Variants in CACNG4 observed in about 807,000 individuals in gnomAD.
CACNG4 encodes voltage-dependent calcium channel gamma-4 subunit.
A neutral mutation model predicts 22.9 loss-of-function variants in CACNG4; 8 were observed. The ratio of observed to expected loss-of-function variants is 0.35; its 90% CI spans 0.21 to 0.63. The LOEUF (loss-of-function observed/expected upper bound fraction) is 0.63. Ranked by LOEUF, CACNG4 falls within the 30% of genes least tolerant of loss-of-function variation. The pLI is 0.72. For synonymous variants in CACNG4, 188 were observed against 191.9 expected (o/e 0.98, Z 0.17); for missense variants, 357 against 455.4 (o/e 0.78, Z 1.97).
At chr17:67,013,098 T>C (rs886413069) in intron 1 of CACNG4, among the ~76,000 whole-genome samples, 55 of 152,090 alleles carry the variant, frequency 3.6e-4, no homozygotes, top group African/African-American at 1.3e-3. Flanking sequence ...CCTGGACTCT[T>C]CCAATGTTCC....
chr17:66,977,507 C>T (rs996887656), intron 1 of CACNG4, among the ~76,000 whole-genome samples: 4 of 152,228 alleles, frequency 2.6e-5, no homozygotes, highest in African/African-American at 9.6e-5. Flanking sequence ...GGACAGACTC[C>T]TTAGCTTCTC....
intron 2 of CACNG4, among the ~76,000 whole-genome samples, chr17:67,024,602 A>G (rs1339261562): frequency 6.6e-6 from 1 of 152,198 alleles, no homozygotes; most frequent in Non-Finnish European, 1.5e-5. Flanking sequence ...GCCCACTCCC[A>G]GGGAGAGACT....
At chr17:66,998,673 C>T (rs1474851207) in intron 1 of CACNG4, among the ~76,000 whole-genome samples, 4 of 152,212 alleles carry the variant, frequency 2.6e-5, no homozygotes, top group Non-Finnish European at 5.9e-5. Flanking sequence ...GCTGAGCTCA[C>T]CCAGGGCCAG....
chr17:67,013,472 G>C (rs1443418737), intron 1 of CACNG4, among the ~76,000 whole-genome samples: 1 of 152,162 alleles, frequency 6.6e-6, no homozygotes, highest in East Asian at 1.9e-4. Flanking sequence ...CACATGTGGG[G>C]ATATTTCTTT....
At chr17:66,965,194 A>ACG (rs1158411001) in intron 1 of CACNG4, 63 bp downstream of exon 1, 1,044 of 909,786 alleles carry the variant, frequency 1.1e-3, no homozygotes, top group African/African-American at 1.6e-3. Flanking sequence ...ACATATACAC[A>ACG]CGCGCGCGCG....
At chr17:67,019,998 A>G (rs971992702) in intron 2 of CACNG4, 19 of 152,374 alleles carry the variant, frequency 1.2e-4, no homozygotes, top group African/African-American at 4.6e-4. Context: ...GAAACCCACA[A>G]GGGCTGGAGA....
intron 3 of CACNG4, among the ~76,000 whole-genome samples, chr17:67,028,297 T>C (rs2035580286): frequency 6.6e-6 from 1 of 152,180 alleles, no homozygotes; most frequent in South Asian, 2.1e-4. Context: ...CTCACGCCTG[T>C]AATCCCAGCA....
intron 1 of CACNG4, among the ~76,000 whole-genome samples, chr17:66,971,317 T>TTTCCAGCCAGAAGAGCCTTGA (rs2035203216): frequency 1.3e-5 from 2 of 150,944 alleles, no homozygotes; most frequent in African/African-American, 5.0e-5. Context: ...AAGAGCCTTG[T>TTTCCAGCCAGAAGAGCCTTGA]GGAGCTTACT....
intron 1 of CACNG4, 99 bp downstream of exon 1, chr17:66,965,230 A>C: frequency 1.0e-5 from 7 of 701,426 alleles, no homozygotes; most frequent in African/African-American, 2.0e-5. Flanking sequence ...ACACACGCGC[A>C]CACACTGCCC....
chr17:66,981,431 T>C (rs564798574), intron 1 of CACNG4, among the ~76,000 whole-genome samples: 80 of 152,290 alleles, frequency 5.3e-4, no homozygotes, highest in African/African-American at 1.9e-3. Context: ...TTTTTTGGGT[T>C]CTTCTTTGGT....
At chr17:67,010,644 T>C (rs2035463039) in intron 1 of CACNG4, among the ~76,000 whole-genome samples, 1 of 152,174 alleles carries the variant, frequency 6.6e-6, no homozygotes, top group Non-Finnish European at 1.5e-5. Flanking sequence ...CCATCACCTA[T>C]CAGCCCAGCT....
At chr17:67,000,650 T>C (rs538472226) in intron 1 of CACNG4, among the ~76,000 whole-genome samples, 1 of 152,274 alleles carries the variant, frequency 6.6e-6, no homozygotes, top group South Asian at 2.1e-4. Flanking sequence ...CCAAGGTCCC[T>C]AGGCCCTGAG....
intron 2 of CACNG4, among the ~76,000 whole-genome samples, chr17:67,018,924 C>T (rs2035516200): frequency 6.6e-6 from 1 of 152,076 alleles, no homozygotes; most frequent in Non-Finnish European, 1.5e-5. Flanking sequence ...GAAGTCACAG[C>T]ACAAGCTCAA....
intron 1 of CACNG4, among the ~76,000 whole-genome samples, chr17:67,009,837 C>T (rs980674629): frequency 1.8e-4 from 28 of 151,882 alleles, no homozygotes; most frequent in Non-Finnish European, 3.1e-4. Flanking sequence ...CTAATCACCT[C>T]CTAACATCAT....
At chr17:66,994,333 A>C (rs1256496844) in intron 1 of CACNG4, among the ~76,000 whole-genome samples, 4 of 151,370 alleles carry the variant, frequency 2.6e-5, no homozygotes, top group African/African-American at 9.8e-5. Context: ...TTTCCAAAAA[A>C]AAAAAAAAAA....
chr17:67,010,170 T>C (rs543924940), intron 1 of CACNG4, among the ~76,000 whole-genome samples: 1 of 152,276 alleles, frequency 6.6e-6, no homozygotes, highest in East Asian at 1.9e-4. Flanking sequence ...AAGCTCTGCC[T>C]TTGTCCCCAT....
chr17:66,973,120 C>G (rs762378418), intron 1 of CACNG4, among the ~76,000 whole-genome samples: 2 of 151,806 alleles, frequency 1.3e-5, no homozygotes, highest in Non-Finnish European at 2.9e-5. Flanking sequence ...GTGGCAGGCA[C>G]CTGTAGTCCC....
chr17:67,011,804 CTCTTTCCTTT>C (rs967536216), intron 1 of CACNG4, among the ~76,000 whole-genome samples: 1 of 152,134 alleles, frequency 6.6e-6, no homozygotes, highest in African/African-American at 2.4e-5. Flanking sequence ...CTCTTTCCTT[CTCTTTCCTTT>C]TTATGCACAG....
chr17:67,016,269 G>A (rs2035496921), intron 1 of CACNG4, among the ~76,000 whole-genome samples: 2 of 152,126 alleles, frequency 1.3e-5, no homozygotes, highest in African/African-American at 4.8e-5. Context: ...CGTTGTTCAT[G>A]CTGGATCCTA....
Sources: allele counts gnomAD v4.1 joint callset (sites outside exome capture counted in the v4.1 genomes callset), GRCh38; gene constraint gnomAD v4.1.1; transcripts MANE v1.5; gene names NCBI Gene and HGNC (gene_info 2026-07-23, HGNC 2026-07-21).